Variants in MCTP1 observed in about 807,000 individuals in gnomAD.
The protein encoded by MCTP1 is multiple C2 and transmembrane domain containing 1, also known as multiple C2 and transmembrane domain-containing protein 1.
MCTP1 carries 69 observed loss-of-function variants against 120.6 expected under a neutral mutation model. The observed-to-expected ratio is 0.57, with a 90% CI of 0.47 to 0.70. MCTP1 has a LOEUF of 0.70. Ranked by LOEUF, MCTP1 falls within the 30% of genes least tolerant of loss-of-function variation. The probability of loss-of-function intolerance (pLI) is 0.00; values close to 1 mark genes in which losing one functional copy is unlikely to be tolerated. For missense variants in MCTP1, 1,203 were observed against 1,248.8 expected (o/e 0.96, Z 0.55); for synonymous variants, 529 against 493.1 (o/e 1.07, Z -0.96).
intron 1 of MCTP1, among the ~76,000 whole-genome samples, chr5:95,207,467 T>G (rs1028844511): frequency 2.6e-5 from 4 of 152,182 alleles, no homozygotes; most frequent in African/African-American, 9.7e-5. Flanking sequence ...TGCATACTCT[T>G]CAAAATGCTT....
chr5:94,870,244 G>A (rs567069291), intron 16 of MCTP1, among the ~76,000 whole-genome samples, 173 bp downstream of exon 16: 4 of 152,120 alleles, frequency 2.6e-5, no homozygotes, highest in African/African-American at 7.2e-5. Context: ...TTTAAAGAAA[G>A]GAAGGAAGAA....
intron 1 of MCTP1, among the ~76,000 whole-genome samples, chr5:95,022,742 C>G (rs1562032152): frequency 6.6e-6 from 1 of 152,164 alleles, no homozygotes; most frequent in African/African-American, 2.4e-5. Context: ...CAGGTATACC[C>G]TTAGAATCCT....
intron 1 of MCTP1, among the ~76,000 whole-genome samples, chr5:95,268,721 A>G (rs1294507969): frequency 6.6e-6 from 1 of 152,226 alleles, no homozygotes; most frequent in Non-Finnish European, 1.5e-5. Flanking sequence ...GGCAACGTTA[A>G]TCACCCTTTA....
chr5:94,937,102 C>T (rs988009365), intron 5 of MCTP1, among the ~76,000 whole-genome samples: 1 of 152,048 alleles, frequency 6.6e-6, no homozygotes, highest in African/African-American at 2.4e-5. Flanking sequence ...ATCACTGTGC[C>T]TTTTCTAAGC....
At chr5:95,052,266 G>A (rs1363171215) in intron 1 of MCTP1, among the ~76,000 whole-genome samples, 1 of 152,108 alleles carries the variant, frequency 6.6e-6, no homozygotes, top group Non-Finnish European at 1.5e-5. Flanking sequence ...TCAAAATGTG[G>A]TCCACTAAAC....
At chr5:95,113,220 C>A (rs1757579437) in intron 1 of MCTP1, among the ~76,000 whole-genome samples, 1 of 151,906 alleles carries the variant, frequency 6.6e-6, no homozygotes, top group African/African-American at 2.4e-5. Context: ...GGGGATGAAG[C>A]AAGACAAATA....
intron 5 of MCTP1, among the ~76,000 whole-genome samples, chr5:94,933,874 C>T (rs574503647): frequency 1.8e-3 from 268 of 151,874 alleles, no homozygotes; most frequent in Admixed American, 3.3e-3. Flanking sequence ...TCAAAATCAG[C>T]TTTATAAGCA....
At chr5:95,148,798 G>A (rs1760642258) in intron 1 of MCTP1, among the ~76,000 whole-genome samples, 1 of 152,126 alleles carries the variant, frequency 6.6e-6, no homozygotes, top group African/African-American at 2.4e-5. Flanking sequence ...TTTCTCATCT[G>A]AGAGGGCTGG....
At position 94,937,852 on chromosome 5, in the gene MCTP1, T is replaced by C. The variant is rs530711760; in HGVS notation, c.1173+2232A>G. ...ACCCAAATCACCACAATCGCTGCTA[T>C]ATCATCCCAATCTCCAGGAATATTG... On this transcript the variant is annotated intron_variant, in intron 5 of 22. Transcript: ENST00000515393. 9.4e-4 allele frequency among the ~76,000 whole-genome samples: 143 copies of C among 152,138 alleles called. 1 individual carries two copies. Among genetic ancestry groups the C allele is most frequent in the African/African-American group, 3.3e-3 (138 of 41,524 alleles).
intron 17 of MCTP1, among the ~76,000 whole-genome samples, chr5:94,837,510 C>G (rs1790070986): frequency 6.6e-6 from 1 of 152,162 alleles, no homozygotes; most frequent in Non-Finnish European, 1.5e-5. Context: ...GTCTCTTGAT[C>G]TGTAAAGTGA....
At chr5:94,897,229 ATTT>A (rs34402712) in intron 10 of MCTP1, among the ~76,000 whole-genome samples, 1 of 137,256 alleles carries the variant, frequency 7.3e-6, no homozygotes, top group Non-Finnish European at 1.6e-5. Flanking sequence ...GGCCTGGCTA[ATTT>A]TTTTTTTTTT....
chr5:94,783,280 G>A (rs542799697), intron 18 of MCTP1, among the ~76,000 whole-genome samples: 1 of 151,992 alleles, frequency 6.6e-6, no homozygotes, highest in East Asian at 1.9e-4. Flanking sequence ...TTCAATATTT[G>A]CTGAACATTT....
chr5:94,719,066 C>T (rs1760238372), intron 19 of MCTP1, among the ~76,000 whole-genome samples: 1 of 152,196 alleles, frequency 6.6e-6, no homozygotes. Flanking sequence ...AAAAGCTCTA[C>T]ATCAGTGATC....
At chr5:94,858,454 G>A (rs1358311770) in intron 17 of MCTP1, among the ~76,000 whole-genome samples, 3 of 151,638 alleles carry the variant, frequency 2.0e-5, no homozygotes, top group Non-Finnish European at 3.0e-5. Flanking sequence ...ATTATATCAA[G>A]TCGGCAATTC....
At chr5:94,935,728 T>C (rs749783385) in intron 5 of MCTP1, among the ~76,000 whole-genome samples, 2 of 152,108 alleles carry the variant, frequency 1.3e-5, no homozygotes, top group Non-Finnish European at 2.9e-5. Flanking sequence ...AGAACTCCTG[T>C]AATTTTGCTC....
At chr5:95,179,776 A>C (rs910653747) in intron 1 of MCTP1, among the ~76,000 whole-genome samples, 2 of 152,172 alleles carry the variant, frequency 1.3e-5, no homozygotes, top group Non-Finnish European at 2.9e-5. Flanking sequence ...CAATGAAAAA[A>C]TAAACAAGGT....
At chr5:94,743,858 C>T (rs1406501935) in intron 19 of MCTP1, among the ~76,000 whole-genome samples, 2 of 151,694 alleles carry the variant, frequency 1.3e-5, no homozygotes, top group East Asian at 3.9e-4. Context: ...CCAGGATGGT[C>T]TCGATCTTCT....
chr5:94,761,766 A>G (rs1403528059), intron 19 of MCTP1, among the ~76,000 whole-genome samples: 1 of 152,200 alleles, frequency 6.6e-6, no homozygotes, highest in African/African-American at 2.4e-5. Flanking sequence ...GCAGAATTGA[A>G]TTACCCTTTC....
intron 1 of MCTP1, among the ~76,000 whole-genome samples, chr5:95,051,652 A>G (rs1745933139): frequency 6.6e-6 from 1 of 152,204 alleles, no homozygotes. Flanking sequence ...TAAAATATAT[A>G]TTTGAGATAT....
Sources: gnomAD v4.1 joint callset for allele counts (sites outside exome capture counted in the v4.1 genomes callset) on GRCh38, gnomAD v4.1.1 for gene constraint, MANE v1.5 for transcripts, NCBI Gene and HGNC (gene_info 2026-07-23, HGNC 2026-07-21) for gene names.